The following ADGRL3 variants were observed in gnomAD, a reference collection of about 807,000 sequenced individuals.
The protein encoded by ADGRL3 is calcium-independent alpha-latrotoxin receptor 3.
ADGRL3 carries 62 observed loss-of-function variants against 153.5 expected under a neutral mutation model. That is an observed-to-expected ratio of 0.40 (90% CI 0.33 to 0.50). ADGRL3 has a LOEUF of 0.50. Ranked by LOEUF, ADGRL3 falls within the 20% of genes least tolerant of loss-of-function variation. The pLI is 0.47. For synonymous variants in ADGRL3, 710 were observed against 672.5 expected (o/e 1.06, Z -0.86); for missense variants, 1,641 against 1,859.4 (o/e 0.88, Z 2.16).
intron 1 of ADGRL3, among the ~76,000 whole-genome samples, chr4:61,375,963 C>T (rs537517593): frequency 6.6e-6 from 1 of 152,028 alleles, no homozygotes; most frequent in African/African-American, 2.4e-5. Context: ...GTATTTTGAA[C>T]AATATTTATT....
intron 8 of ADGRL3, among the ~76,000 whole-genome samples, chr4:61,788,688 T>A (rs2167280): frequency 0.46 from 70,480 of 151,902 alleles, 16,675 homozygotes; most frequent in East Asian, 0.61. Context: ...CAAGAAGAAA[T>A]CTCTGAATTG....
intron 2 of ADGRL3, among the ~76,000 whole-genome samples, chr4:61,482,876 C>T (rs1056484065): frequency 6.6e-6 from 1 of 152,032 alleles, no homozygotes; most frequent in Non-Finnish European, 1.5e-5. Flanking sequence ...GCTGCTTGGC[C>T]TAAATTAATT....
intron 8 of ADGRL3, among the ~76,000 whole-genome samples, chr4:61,789,978 A>C (rs891293226): frequency 6.6e-6 from 1 of 152,246 alleles, no homozygotes; most frequent in Admixed American, 6.5e-5. Context: ...GCTGAGTAGC[A>C]GAATATTCTA....
At chr4:61,964,014 C>A (rs1318244278) in intron 17 of ADGRL3, among the ~76,000 whole-genome samples, 1 of 152,246 alleles carries the variant, frequency 6.6e-6, no homozygotes, top group East Asian at 1.9e-4. Context: ...CATAGATTAT[C>A]TCATTTAATC....
chr4:61,333,228 TA>T (rs1361645765), intron 1 of ADGRL3, among the ~76,000 whole-genome samples: 1 of 152,174 alleles, frequency 6.6e-6, no homozygotes. Flanking sequence ...GTATTGCTGA[TA>T]GAACTAATAT....
chr4:61,724,415 C>T (rs7684100), intron 6 of ADGRL3, among the ~76,000 whole-genome samples: 108,424 of 152,098 alleles, frequency 0.71, 39,813 homozygotes, highest in East Asian at 0.93. Flanking sequence ...AAAGGCCATC[C>T]CAGTTTCTGT....
intron 2 of ADGRL3, among the ~76,000 whole-genome samples, chr4:61,391,764 T>C (rs2152015168): frequency 6.6e-6 from 1 of 152,218 alleles, no homozygotes; most frequent in East Asian, 1.9e-4. Flanking sequence ...TGGATTTTGT[T>C]AATTTTTTTA....
intron 1 of ADGRL3, among the ~76,000 whole-genome samples, chr4:61,347,338 C>T (rs2151254904): frequency 6.6e-6 from 1 of 150,936 alleles, no homozygotes; most frequent in African/African-American, 2.4e-5. Flanking sequence ...GTTCCTAGAG[C>T]TATAGGAAGG....
Position 61,499,284 on chromosome 4 carries a change from A to G in ADGRL3, c.55+1936A>G, listed in dbSNP as rs557668996. On this transcript the variant is annotated intron_variant, in intron 3 of 26. Coordinates refer to ENST00000683033, the MANE Select transcript of ADGRL3 (RefSeq NM_001387552.1). ...AAGGTAGAGATGTTTGTAAAAGGGG[A>G]GTATCCTACTTATTCAACAATCTCA... is the stretch of plus-strand genomic sequence containing the variant. Among the ~76,000 whole-genome samples, 113 of 152,312 alleles carry G rather than the reference A, an allele frequency of 7.4e-4. 1 individual carries two copies. The highest frequency in any genetic ancestry group is 2.6e-3 in the African/African-American group (110 of 41,576).
intron 9 of ADGRL3, among the ~76,000 whole-genome samples, chr4:61,877,608 G>T (rs2098483279): frequency 6.6e-6 from 1 of 152,150 alleles, no homozygotes; most frequent in African/African-American, 2.4e-5. Context: ...GCACTGGCTG[G>T]CTTAAACAAC....
At chr4:61,913,879 T>C (rs2098733393) in intron 13 of ADGRL3, among the ~76,000 whole-genome samples, 1 of 152,148 alleles carries the variant, frequency 6.6e-6, no homozygotes, top group South Asian at 2.1e-4. Context: ...TGAATGGAAA[T>C]ATCTCTGTGT....
chr4:61,289,524 T>C (rs548393275), intron 1 of ADGRL3, among the ~76,000 whole-genome samples: 1 of 152,192 alleles, frequency 6.6e-6, no homozygotes, highest in East Asian at 1.9e-4. Flanking sequence ...TATGCCTTTA[T>C]GGCATAGTCA....
At chr4:61,233,736 A>G (rs982159377) in intron 1 of ADGRL3, among the ~76,000 whole-genome samples, 5 of 151,976 alleles carry the variant, frequency 3.3e-5, no homozygotes, top group African/African-American at 4.8e-5. Flanking sequence ...TTTTAGGAAG[A>G]CTTAAGAATT....
intron 6 of ADGRL3, among the ~76,000 whole-genome samples, chr4:61,715,829 C>T (rs2096099011): frequency 6.6e-6 from 1 of 151,352 alleles, no homozygotes; most frequent in Non-Finnish European, 1.5e-5. Flanking sequence ...CTAAGTGTTG[C>T]ATGCTTGGCC....
At chr4:61,466,138 A>G (rs1406143540) in intron 2 of ADGRL3, among the ~76,000 whole-genome samples, 4 of 152,076 alleles carry the variant, frequency 2.6e-5, no homozygotes, top group Admixed American at 2.0e-4. Context: ...ATAAATAAAT[A>G]AAATAAATAA....
At chr4:61,646,036 T>C (rs1215459194) in intron 5 of ADGRL3, among the ~76,000 whole-genome samples, 2 of 152,226 alleles carry the variant, frequency 1.3e-5, no homozygotes, top group Admixed American at 6.5e-5. Flanking sequence ...TTCATTCATT[T>C]CATCTTCCAT....
At chr4:61,889,348 C>G (rs781711313) in intron 9 of ADGRL3, among the ~76,000 whole-genome samples, 2 of 152,122 alleles carry the variant, frequency 1.3e-5, no homozygotes, top group Non-Finnish European at 1.5e-5. Flanking sequence ...AGCTGGGGAA[C>G]CACTGGTAAT....
chr4:61,279,037 C>G (rs535597579), intron 1 of ADGRL3, among the ~76,000 whole-genome samples: 4 of 152,152 alleles, frequency 2.6e-5, no homozygotes, highest in Non-Finnish European at 5.9e-5. Context: ...TGTTGTTGCT[C>G]TACGTCTGTT....
At chr4:61,854,634 A>G (rs1450559571) in intron 9 of ADGRL3, among the ~76,000 whole-genome samples, 2 of 152,214 alleles carry the variant, frequency 1.3e-5, no homozygotes, top group Non-Finnish European at 2.9e-5. Context: ...TGGTGCAGAT[A>G]CTTCTTCCTT....
Sources: allele counts gnomAD v4.1 joint callset (sites outside exome capture counted in the v4.1 genomes callset), GRCh38; gene constraint gnomAD v4.1.1; transcripts MANE v1.5; gene names NCBI Gene and HGNC (gene_info 2026-07-23, HGNC 2026-07-21).